CMTM8: variants seen among roughly 807,000 people sequenced by gnomAD.
The protein encoded by CMTM8 is CKLF-like MARVEL transmembrane domain-containing protein 8.
Under a neutral mutation model 18.6 loss-of-function variants are expected in CMTM8, and 12 were observed. That is an observed-to-expected ratio of 0.65 (90% CI 0.41 to 1.05). The LOEUF (loss-of-function observed/expected upper bound fraction) is 1.05. Ranked by LOEUF, CMTM8 falls within the 50% of genes least tolerant of loss-of-function variation. The pLI, the probability that CMTM8 is intolerant of heterozygous loss-of-function variation, is 0.00. For synonymous variants in CMTM8, 87 were observed against 90.6 expected (o/e 0.96, Z 0.23); for missense variants, 217 against 227.2 (o/e 0.95, Z 0.29).
At chr3:32,259,574 A>G (rs1702226774) in intron 1 of CMTM8, 4 of 893,386 alleles carry the variant, frequency 4.5e-6, no homozygotes, top group Non-Finnish European at 7.6e-6. Flanking sequence ...ACTGCTCTTC[A>G]TGAAGAAGAA....
At chr3:32,367,610 AC>A (rs2125606062) in intron 2 of CMTM8, among the ~76,000 whole-genome samples, 1 of 152,148 alleles carries the variant, frequency 6.6e-6, no homozygotes, top group Non-Finnish European at 1.5e-5. Flanking sequence ...TCAGGAGCAA[AC>A]CGAAGAAGCA....
intron 1 of CMTM8, among the ~76,000 whole-genome samples, chr3:32,349,925 T>G (rs1354247884): frequency 6.6e-6 from 1 of 152,114 alleles, no homozygotes; most frequent in African/African-American, 2.4e-5. Flanking sequence ...GGAGAATCAC[T>G]TGAACCTGGG....
At chr3:32,291,647 G>A (rs1004545768) in intron 1 of CMTM8, among the ~76,000 whole-genome samples, 6 of 152,336 alleles carry the variant, frequency 3.9e-5, no homozygotes, top group African/African-American at 4.8e-5. Context: ...TTAATACAGG[G>A]ATGAGTAGTA....
At chr3:32,260,779 A>G (rs1702245243) in intron 1 of CMTM8, among the ~76,000 whole-genome samples, 1 of 151,214 alleles carries the variant, frequency 6.6e-6, no homozygotes, top group Admixed American at 6.6e-5. Context: ...GTTAGATTAT[A>G]TTGGATTTTT....
At chr3:32,354,784 C>T (rs544818158) in intron 1 of CMTM8, among the ~76,000 whole-genome samples, 84 of 152,320 alleles carry the variant, frequency 5.5e-4, no homozygotes, top group Non-Finnish European at 9.6e-4. Flanking sequence ...TGCTGCATTA[C>T]ATCTATTACC....
At chr3:32,357,321 T>G (rs1696834396) in intron 1 of CMTM8, 52 bp from the exon 2 acceptor site, 1 of 1,358,220 alleles carries the variant, frequency 7.4e-7, no homozygotes, top group African/African-American at 1.5e-5. Flanking sequence ...TCCTTCTTTT[T>G]CTTTATCTTC....
At chr3:32,298,438 C>CCT (rs1553604428) in intron 1 of CMTM8, among the ~76,000 whole-genome samples, 1 of 139,086 alleles carries the variant, frequency 7.2e-6, no homozygotes, top group Non-Finnish European at 1.6e-5. Context: ...ACATACCCCC[C>CCT]TTTTTTTTTT....
At chr3:32,239,763 A>G (rs1345679189) in intron 1 of CMTM8, among the ~76,000 whole-genome samples, 1 of 152,174 alleles carries the variant, frequency 6.6e-6, no homozygotes, top group Non-Finnish European at 1.5e-5. Flanking sequence ...ATCTTCCCAG[A>G]AGTCCCAGCC....
chr3:32,296,062 C>T (rs1292305972), intron 1 of CMTM8, among the ~76,000 whole-genome samples: 1 of 152,174 alleles, frequency 6.6e-6, no homozygotes, highest in Non-Finnish European at 1.5e-5. Flanking sequence ...ATTTTCCCAC[C>T]TCTCAGTCTG....
intron 1 of CMTM8, among the ~76,000 whole-genome samples, chr3:32,310,236 T>C (rs1462785867): frequency 1.3e-5 from 2 of 152,122 alleles, no homozygotes; most frequent in Non-Finnish European, 2.9e-5. Flanking sequence ...AGGGACAAAT[T>C]TGGGAGATGG....
chr3:32,330,656 A>G (rs1309046259), intron 1 of CMTM8, among the ~76,000 whole-genome samples: 3 of 152,204 alleles, frequency 2.0e-5, no homozygotes, highest in African/African-American at 7.2e-5. Flanking sequence ...TTTATGATCA[A>G]TATATGTCAT....
At chr3:32,248,657 C>T (rs909677594) in intron 1 of CMTM8, among the ~76,000 whole-genome samples, 1 of 151,786 alleles carries the variant, frequency 6.6e-6, no homozygotes, top group African/African-American at 2.4e-5. Flanking sequence ...AGCCACCACA[C>T]CTGGCCCATG....
At chr3:32,324,500 T>C (rs2125579614) in intron 1 of CMTM8, among the ~76,000 whole-genome samples, 1 of 152,314 alleles carries the variant, frequency 6.6e-6, no homozygotes, top group East Asian at 1.9e-4. Flanking sequence ...TTATCTCAGG[T>C]TTATTGGCTT....
intron 1 of CMTM8, among the ~76,000 whole-genome samples, chr3:32,266,574 A>G (rs951823345): frequency 6.6e-6 from 1 of 152,192 alleles, no homozygotes; most frequent in African/African-American, 2.4e-5. Flanking sequence ...CACCACTCCT[A>G]TTCAACATAG....
At chr3:32,276,680 G>A (rs577727595) in intron 1 of CMTM8, among the ~76,000 whole-genome samples, 1 of 152,248 alleles carries the variant, frequency 6.6e-6, no homozygotes, top group South Asian at 2.1e-4. Flanking sequence ...CTTGTAACCC[G>A]TGTCGTCAAT....
intron 1 of CMTM8, among the ~76,000 whole-genome samples, chr3:32,251,132 G>T (rs1702105591): frequency 6.6e-6 from 1 of 152,146 alleles, no homozygotes; most frequent in South Asian, 2.1e-4. Flanking sequence ...TGGGGTGGGA[G>T]ATATTTGGAA....
At chr3:32,366,650 G>A (rs1482344271) in intron 2 of CMTM8, among the ~76,000 whole-genome samples, 1 of 152,224 alleles carries the variant, frequency 6.6e-6, no homozygotes, top group Non-Finnish European at 1.5e-5. Context: ...GGCAAGACAA[G>A]ACTAAATGGC....
chr3:32,302,081 C>T (rs1439119549), intron 1 of CMTM8, among the ~76,000 whole-genome samples: 1 of 151,224 alleles, frequency 6.6e-6, no homozygotes, highest in Non-Finnish European at 1.5e-5. Context: ...GCCTGTAATC[C>T]CAACGCTTTG....
intron 1 of CMTM8, among the ~76,000 whole-genome samples, chr3:32,281,942 A>G (rs1702615696): frequency 1.3e-5 from 2 of 152,078 alleles, no homozygotes; most frequent in South Asian, 4.1e-4. Context: ...TTATCTCCCC[A>G]ACTGTAAATA....
Sources: gnomAD v4.1 joint callset for allele counts (sites outside exome capture counted in the v4.1 genomes callset) on GRCh38, gnomAD v4.1.1 for gene constraint, MANE v1.5 for transcripts, NCBI Gene and HGNC (gene_info 2026-07-23, HGNC 2026-07-21) for gene names.